Variants in CSMD1 observed in about 807,000 individuals in gnomAD.
The protein encoded by CSMD1 is CUB and Sushi multiple domains 1.
CSMD1 carries 213 observed loss-of-function variants against 417.5 expected under a neutral mutation model. The ratio of observed to expected loss-of-function variants is 0.51; its 90% CI spans 0.46 to 0.57. CSMD1 has a LOEUF of 0.57. CSMD1 is among the 20% of genes least tolerant of loss of function. The pLI is 0.00. For synonymous variants in CSMD1, 2,862 were observed against 1,736.8 expected, an observed-to-expected ratio of 1.65 and a Z score of -16.11; for missense variants, 6,923 against 4,529.7, an observed-to-expected ratio of 1.53 and a Z score of -15.17.
chr8:3,085,798 C>G (rs969112420), intron 49 of CSMD1, among the ~76,000 whole-genome samples: 1 of 152,190 alleles, frequency 6.6e-6, no homozygotes, highest in Non-Finnish European at 1.5e-5. Flanking sequence ...TCCAGAACTC[C>G]TTGCATATCC....
chr8:3,729,159 C>T (rs1035723776), intron 6 of CSMD1, among the ~76,000 whole-genome samples: 1 of 152,220 alleles, frequency 6.6e-6, no homozygotes, highest in African/African-American at 2.4e-5. Flanking sequence ...ATTTAACTAA[C>T]TCGTTCATGA....
At chr8:3,536,915 G>A (rs530894003) in intron 10 of CSMD1, among the ~76,000 whole-genome samples, 1 of 152,202 alleles carries the variant, frequency 6.6e-6, no homozygotes. Context: ...TTTATTGTAC[G>A]ATTGCCCTAG....
chr8:4,871,137 T>A (rs547054559), intron 1 of CSMD1, among the ~76,000 whole-genome samples: 1 of 152,136 alleles, frequency 6.6e-6, no homozygotes, highest in Non-Finnish European at 1.5e-5. Context: ...GCAGCCGTGA[T>A]GAGAATCTAG....
chr8:3,368,598 C>T (rs117628209), intron 19 of CSMD1, among the ~76,000 whole-genome samples: 1 of 152,132 alleles, frequency 6.6e-6, no homozygotes, highest in Non-Finnish European at 1.5e-5. Flanking sequence ...CTTGGCCTCC[C>T]GAACTGCTGG....
intron 6 of CSMD1, among the ~76,000 whole-genome samples, chr8:3,735,751 C>T (rs1035091169): frequency 2.6e-5 from 4 of 152,298 alleles, no homozygotes; most frequent in African/African-American, 9.6e-5. Context: ...ACACCTCTAG[C>T]CTTTACAATG....
rs549425103 is a variant in CSMD1 at position 4,523,609 on chromosome 8, A to G, written c.303-103544T>C. 2.6e-5 allele frequency among the ~76,000 whole-genome samples: 4 copies of G among 152,322 alleles called. 1 individual carries two copies. The South Asian group carries it at 8.3e-4, about 32-fold the overall frequency. On this transcript the variant is annotated intron_variant, in intron 2 of 69. Transcript: ENST00000635120. ...ACAGAATATTAGTGTGGTAGAAGAA[A>G]TAATGCAAGTCAGAAAACCAAGGTT...
chr8:4,219,811 A>C (rs896026566), intron 3 of CSMD1, among the ~76,000 whole-genome samples: 1 of 152,332 alleles, frequency 6.6e-6, no homozygotes, highest in East Asian at 1.9e-4. Flanking sequence ...TGTCTTACTT[A>C]GTAGAGCTAA....
chr8:3,573,352 T>C (rs1331400814), intron 10 of CSMD1, among the ~76,000 whole-genome samples: 1 of 152,264 alleles, frequency 6.6e-6, no homozygotes, highest in Non-Finnish European at 1.5e-5. Context: ...TAACAAACCA[T>C]TGAGTAGCAT....
At chr8:4,654,690 T>A (rs112091717) in intron 1 of CSMD1, among the ~76,000 whole-genome samples, 1 of 152,138 alleles carries the variant, frequency 6.6e-6, no homozygotes, top group Non-Finnish European at 1.5e-5. Context: ...TCCAGTGGTC[T>A]CACACCTGTG....
chr8:4,624,884 G>A (rs1216744192), intron 2 of CSMD1, among the ~76,000 whole-genome samples: 1 of 152,084 alleles, frequency 6.6e-6, no homozygotes, highest in African/African-American at 2.4e-5. Flanking sequence ...GGGGTGGTGG[G>A]CAGAGAAGGC....
At chr8:3,571,284 C>G (rs921231135) in intron 10 of CSMD1, among the ~76,000 whole-genome samples, 19 of 152,194 alleles carry the variant, frequency 1.2e-4, no homozygotes, top group African/African-American at 4.3e-4. Context: ...TGCCTCTGCC[C>G]ATTCCATGGA....
chr8:3,946,415 T>A (rs982636687), intron 5 of CSMD1, among the ~76,000 whole-genome samples: 2 of 152,152 alleles, frequency 1.3e-5, no homozygotes, highest in African/African-American at 2.4e-5. Flanking sequence ...CAATCCCGCA[T>A]CACCTTGGCT....
chr8:3,083,629 TA>T (rs1814279300), intron 49 of CSMD1, among the ~76,000 whole-genome samples: 1 of 41,862 alleles, frequency 2.4e-5, no homozygotes, highest in Non-Finnish European at 4.2e-5. Flanking sequence ...TATATATATA[TA>T]TATATATATA....
intron 8 of CSMD1, among the ~76,000 whole-genome samples, chr8:3,588,446 T>C (rs1273598759): frequency 6.6e-6 from 1 of 152,108 alleles, no homozygotes; most frequent in Non-Finnish European, 1.5e-5. Context: ...GAGGCACTGA[T>C]ATTCAGTGTA....
intron 26 of CSMD1, among the ~76,000 whole-genome samples, chr8:3,281,143 T>A (rs767256559): frequency 5.7e-4 from 87 of 152,020 alleles, no homozygotes; most frequent in Non-Finnish European, 1.1e-3. Flanking sequence ...TGTCCTTCAA[T>A]AAGAAAATGG....
At chr8:4,033,136 A>G (rs1797437786) in intron 3 of CSMD1, among the ~76,000 whole-genome samples, 1 of 146,234 alleles carries the variant, frequency 6.8e-6, no homozygotes, top group African/African-American at 2.6e-5. Context: ...ATATGAAAAA[A>G]AAAAAAAAAA....
In CSMD1 at chr8:4,291,196, G is replaced by A. The variant is rs184432291; in HGVS notation, c.415+128757C>T. Among the ~76,000 whole-genome samples the A allele has an allele frequency of 2.9e-3, 435 of 151,892 alleles. 1 individual carries two copies. Among genetic ancestry groups the A allele is most frequent in the Non-Finnish European group, 4.9e-3 (333 of 67,908 alleles). ...AGTGTTGCATAATTATACATTATTG[G>A]TATTTTAATTTTAAAAACAAAAATA... is the stretch of plus-strand genomic sequence containing the variant. On this transcript the variant is annotated intron_variant, in intron 3 of 69. Coordinates refer to ENST00000635120, the MANE Select transcript of CSMD1 (RefSeq NM_033225.6).
At chr8:4,701,472 C>T (rs761127744) in intron 1 of CSMD1, among the ~76,000 whole-genome samples, 8 of 152,166 alleles carry the variant, frequency 5.3e-5, no homozygotes, top group Non-Finnish European at 8.8e-5. Context: ...CAGTACTCCT[C>T]CTCCCCGACC....
chr8:2,980,876 C>G (rs972309671), intron 54 of CSMD1, among the ~76,000 whole-genome samples: 1 of 152,202 alleles, frequency 6.6e-6, no homozygotes, highest in Non-Finnish European at 1.5e-5. Flanking sequence ...TAGTTCACTA[C>G]CCTTAAAATA....
Sources: gnomAD v4.1 joint callset for allele counts (sites outside exome capture counted in the v4.1 genomes callset) on GRCh38, gnomAD v4.1.1 for gene constraint, MANE v1.5 for transcripts, NCBI Gene and HGNC (gene_info 2026-07-23, HGNC 2026-07-21) for gene names.